MMP2: variants seen among roughly 807,000 people sequenced by gnomAD.
MMP2 encodes the protein 72 kDa type IV collagenase.
MMP2 carries 39 observed loss-of-function variants against 74.8 expected under a neutral mutation model. That is an observed-to-expected ratio of 0.52 (90% confidence interval 0.40 to 0.68). MMP2 has a LOEUF of 0.68. MMP2 is among the 30% of genes least tolerant of loss of function. The probability of loss-of-function intolerance (pLI) is 0.00; values close to 1 mark genes in which losing one functional copy is unlikely to be tolerated. For missense variants in MMP2, 803 were observed against 878.3 expected (o/e 0.91, Z 1.08); for synonymous variants, 367 against 339.8 (o/e 1.08, Z -0.88).
chr16:55,493,509 G>C (rs1184867714), intron 9 of MMP2, among the ~76,000 whole-genome samples: 1 of 152,170 alleles, frequency 6.6e-6, no homozygotes, highest in Non-Finnish European at 1.5e-5. Context: ...GGGTCTACTA[G>C]TTATCTTGAC....
At position 55,479,579 on chromosome 16, in the gene MMP2, A is replaced by C. The variant is rs1962043610; in HGVS notation, c.100A>C (p.Ile34Leu). ...LSHAAAAPSPIIKFPGDVAPK... is the reference protein window; with the variant it reads ...LSHAAAAPSPLIKFPGDVAPK... ...CCACGCCGCCGCCGCGCCGTCGCCC[A>C]TCATCAAGTTCCCCGGCGATGTCGC... is the stretch of plus-strand genomic sequence containing the variant. The change falls in exon 1 of 13, where the codon ATC (isoleucine) becomes CTC (leucine). Residue 34 changes from isoleucine to leucine, a missense_variant. By Grantham distance (5) the Ile-to-Leu change is conservative. Coordinates refer to ENST00000219070, the MANE Select transcript of MMP2 (RefSeq NM_004530.6). The C allele has an allele frequency of 6.2e-7, 1 of 1,613,464 alleles. No individual in the cohort carries two copies. Among genetic ancestry groups the C allele is most frequent in the African/African-American group, 1.3e-5 (1 of 74,934 alleles).
chr16:55,484,772 T>C (rs1181706717), intron 3 of MMP2, among the ~76,000 whole-genome samples: 3 of 152,122 alleles, frequency 2.0e-5, no homozygotes, highest in Non-Finnish European at 2.9e-5. Flanking sequence ...TAAAGGTATG[T>C]GGTATAGACA....
Position 55,498,310 on chromosome 16 carries a change from C to G in MMP2, c.1631C>G (p.Ser544Ter). The change falls in exon 11 of 13, where the codon TCA becomes TGA. Residue 544 changes from serine to a stop codon, truncating the protein, a stop_gained. Transcript: ENST00000219070. LOFTEE classifies it high-confidence loss of function. Reference sequence around the variant, plus strand: ...CCAGGGAATGAATACTGGATCTACTCAGCCAGCACCCTGGAGCGAGGGTAC... The same window carrying G: ...CCAGGGAATGAATACTGGATCTACTGAGCCAGCACCCTGGAGCGAGGGTAC... ...FFAGNEYWIY[S>*]ASTLERGYPK... 1.2e-6 allele frequency: 2 copies of G among 1,614,236 alleles called. No individual in the cohort carries two copies. The highest frequency in any genetic ancestry group is 1.7e-6 in the Non-Finnish European group (2 of 1,180,042).
At chr16:55,484,223 T>A in intron 3 of MMP2, 59 bp downstream of exon 3, 3 of 1,578,240 alleles carry the variant, frequency 1.9e-6, no homozygotes, top group Non-Finnish European at 2.6e-6. Flanking sequence ...GACGAGGGGG[T>A]GAGATGGACA....
At chr16:55,481,410 T>C (rs1266866868) in intron 1 of MMP2, 1 of 161,930 alleles carries the variant, frequency 6.2e-6, no homozygotes, top group Non-Finnish European at 1.3e-5. Flanking sequence ...TGAGGACGAC[T>C]AGAGGTCACT....
At chr16:55,486,191 A>C (rs1962243451) in intron 5 of MMP2, among the ~76,000 whole-genome samples, 1 of 152,180 alleles carries the variant, frequency 6.6e-6, no homozygotes. Flanking sequence ...GCTTGCTGGT[A>C]GCTGGAAACC....
In MMP2 at chr16:55,505,655, C is replaced by CT. The variant is rs2086714442; in HGVS notation, c.*215dup. On this transcript the variant is annotated 3_prime_UTR_variant, in exon 13 of 13. Transcript: ENST00000219070. Reference sequence around the variant, plus strand: ...CTGACTGTACTCCTCCCAGGCGCCCCTTCCCCCTCCAATCCCACCAACCCT... The same window carrying CT: ...CTGACTGTACTCCTCCCAGGCGCCCCTTTCCCCCTCCAATCCCACCAACCCT... The CT allele has an allele frequency of 1.7e-6, 1 of 599,054 alleles. No individual in the cohort carries two copies. The highest frequency in any genetic ancestry group is 1.9e-5 in the African/African-American group (1 of 53,860). 37.1% of individuals were successfully genotyped at this position (599,054 alleles called of 1,614,324 possible).
At chr16:55,485,207 T>A (rs1962210955) in intron 3 of MMP2, 92 bp from the exon 4 acceptor site, 2 of 1,576,202 alleles carry the variant, frequency 1.3e-6, no homozygotes, top group African/African-American at 1.4e-5. Flanking sequence ...AGATGCTGGG[T>A]GGGCTGACAG....
chr16:55,500,494 T>TACACACACACACACAC (rs55996787), intron 11 of MMP2, among the ~76,000 whole-genome samples: 5,879 of 136,132 alleles, frequency 0.043, 283 homozygotes, highest in East Asian at 0.068. Flanking sequence ...CATGTGCGCA[T>TACACACACACACACAC]ACACACACAC....
At chr16:55,491,986 A>C in intron 8 of MMP2, 30 bp downstream of exon 8, 52 of 887,858 alleles carry the variant, frequency 5.9e-5, no homozygotes, top group Non-Finnish European at 7.8e-5. Context: ...TTGGGGGTGG[A>C]GGGTGAGGAG....
At chr16:55,489,047 C>A (rs1400058350) in intron 6 of MMP2, among the ~76,000 whole-genome samples, 1 of 152,144 alleles carries the variant, frequency 6.6e-6, no homozygotes, top group African/African-American at 2.4e-5. Flanking sequence ...CCTCTCTGAC[C>A]CTGCAATCTC....
chr16:55,494,241 G>A (rs1263067346), intron 9 of MMP2, among the ~76,000 whole-genome samples: 4 of 152,140 alleles, frequency 2.6e-5, no homozygotes, highest in Admixed American at 1.3e-4. Context: ...GCTACTTACT[G>A]GTTATGTAAT....
chr16:55,490,070 G>T (rs1203364696), intron 7 of MMP2, among the ~76,000 whole-genome samples: 3 of 152,156 alleles, frequency 2.0e-5, no homozygotes, highest in African/African-American at 7.2e-5. Flanking sequence ...TAGACCAGAT[G>T]CTGCTACTCA....
At position 55,483,101 on chromosome 16, in the gene MMP2, A is replaced by C; in HGVS notation, c.346A>C (p.Lys116Gln). 1 of 1,614,072 alleles carries C rather than the reference A, an allele frequency of 6.2e-7. No individual in the cohort carries two copies. Among genetic ancestry groups the C allele is most frequent in the Admixed American group, 1.7e-5 (1 of 60,014 alleles). ...DVANYNFFPR[K>Q]PKWDKNQITY... Reference sequence around the variant, plus strand: ...GGCCAACTACAACTTCTTCCCTCGCAAGCCCAAGTGGGACAAGAACCAGAT... The same window carrying C: ...GGCCAACTACAACTTCTTCCCTCGCCAGCCCAAGTGGGACAAGAACCAGAT... The change falls in exon 2 of 13, where the codon AAG (lysine) becomes CAG (glutamine). Residue 116 changes from lysine to glutamine, a missense_variant. Lys to Gln is a moderately conservative substitution (Grantham distance 53, BLOSUM62 1). Transcript: ENST00000219070.
intron 5 of MMP2, 128 bp downstream of exon 5, chr16:55,485,905 A>G: frequency 1.1e-6 from 1 of 935,124 alleles, no homozygotes; most frequent in Non-Finnish European, 1.7e-6. Context: ...CATCCCTCCA[A>G]CGTCCTTCAC....
chr16:55,506,585 A>C lies in MMP2; in HGVS notation c.*1143A>C, dbSNP rs1962807926. ...AACAATAATATCCCCCTCAATTAATAGAGTGCTTTCTATGTGCAAGGCACT... is the reference window on the plus strand; with the variant it reads ...AACAATAATATCCCCCTCAATTAATCGAGTGCTTTCTATGTGCAAGGCACT... On this transcript the variant is annotated 3_prime_UTR_variant, in exon 13 of 13. Coordinates refer to ENST00000219070, the MANE Select transcript of MMP2 (RefSeq NM_004530.6). The C allele has an allele frequency of 6.6e-6, 1 of 152,266 alleles. No homozygotes were observed. The highest frequency in any genetic ancestry group is 1.5e-5 in the Non-Finnish European group (1 of 68,050). 9.4% of individuals were successfully genotyped at this position (152,266 alleles called of 1,614,324 possible).
intron 12 of MMP2, among the ~76,000 whole-genome samples, chr16:55,503,563 A>G (rs1214899906): frequency 6.6e-6 from 1 of 151,926 alleles, no homozygotes; most frequent in Admixed American, 6.6e-5. Flanking sequence ...CCAGTAGCTG[A>G]AGGTCTTACA....
intron 11 of MMP2, among the ~76,000 whole-genome samples, chr16:55,500,120 A>G (rs1475575601): frequency 6.6e-6 from 1 of 151,938 alleles, no homozygotes; most frequent in Non-Finnish European, 1.5e-5. Context: ...ACACTTAGCA[A>G]CCTAAGCTGA....
At position 55,484,048 on chromosome 16, in the gene MMP2, A is replaced by G; in HGVS notation, c.413A>G (p.Glu138Gly). Residue 138 changes from glutamate (E) to glycine (G), a missense_variant, in exon 3 of 13, where the codon GAG becomes GGG. Transcript: ENST00000219070. ...GGCTACACACCTGATCTGGACCCAG[A>G]GACAGTGGATGATGCCTTTGCTCGT... ...IIGYTPDLDP[E>G]TVDDAFARAF... 6.2e-7 allele frequency: 1 copy of G among 1,614,176 alleles called. No individual in the cohort carries two copies. The highest frequency in any genetic ancestry group is 8.5e-7 in the Non-Finnish European group (1 of 1,180,020).
Sources: allele counts gnomAD v4.1 joint callset (sites outside exome capture counted in the v4.1 genomes callset), GRCh38; gene constraint gnomAD v4.1.1; transcripts MANE v1.5; gene names NCBI Gene and HGNC (gene_info 2026-07-23, HGNC 2026-07-21).